APEH: variants seen among roughly 807,000 people sequenced by gnomAD.
The protein encoded by APEH is acylaminoacyl-peptide hydrolase.
In APEH, 75 loss-of-function variants were observed where a neutral mutation model predicts 102.7. The observed-to-expected ratio is 0.73, with a 90% CI of 0.61 to 0.89. The LOEUF (loss-of-function observed/expected upper bound fraction) is 0.89, where lower values mean the gene tolerates loss of function less well. APEH is among the 40% of genes least tolerant of loss of function. APEH has a pLI of 0.00. For missense variants in APEH, 863 were observed against 941.2 expected, an observed-to-expected ratio of 0.92 and a Z score of 1.09; for synonymous variants, 344 against 362.7, an observed-to-expected ratio of 0.95 and a Z score of 0.59.
chr3:49,680,461 G>A (rs2053267191), intron 13 of APEH, 80 bp from the exon 14 acceptor site: 1 of 1,324,418 alleles, frequency 7.6e-7, no homozygotes, highest in African/African-American at 1.4e-5. Flanking sequence ...AGAGTCTCCA[G>A]CCTGGGACTC....
rs1575469872 is a variant in APEH, at chr3:49,677,439, A to G, written c.1000-134A>G. 4 of 831,116 alleles carry G rather than the reference A, an allele frequency of 4.8e-6. No individual in the cohort carries two copies. The East Asian group carries it at 9.9e-5, about 21-fold the overall frequency. 51.5% of individuals were successfully genotyped at this position (831,116 alleles called of 1,614,324 possible). ...GGCATCTGGTCCAGGTCACCAGAAA[A>G]GAGATACATCAGGCTTATTCCAGTT... On this transcript the variant is annotated intron_variant, in intron 10 of 21. Transcript: ENST00000296456.
At position 49,676,688 on chromosome 3, in the gene APEH, G is replaced by A. The variant is rs1575468197; in HGVS notation, c.824G>A (p.Cys275Tyr). 2 of 1,614,260 alleles carry A rather than the reference G, an allele frequency of 1.2e-6. No individual in the cohort carries two copies. Among genetic ancestry groups the A allele is most frequent in the East Asian group, 2.2e-5 (1 of 44,890 alleles). The change falls in exon 8 of 22, where the codon TGC becomes TAC. Residue 275 changes from cysteine to tyrosine, a missense_variant. Coordinates refer to ENST00000296456, the MANE Select transcript of APEH (RefSeq NM_001640.4). ...CCCTTCCGGTTGGGCATCCGCTTTTGCACCAATCGCAGGTGAGGGAGTGGG... is the reference window on the plus strand; with the variant it reads ...CCCTTCCGGTTGGGCATCCGCTTTTACACCAATCGCAGGTGAGGGAGTGGG... ...HEPFRLGIRF[C>Y]TNRRSALYYV...
chr3:49,679,639 C>T lies in APEH; in HGVS notation c.1205C>T (p.Thr402Ile). ...DTQVGTVTSLTAGGSGGSWKL... is the reference protein window; with the variant it reads ...DTQVGTVTSLIAGGSGGSWKL... Reference sequence around the variant, plus strand: ...CAAGTGGGCACTGTGACCTCCCTCACAGCTGGTGAGCAAGGCTTTGGGGAT... The same window carrying T: ...CAAGTGGGCACTGTGACCTCCCTCATAGCTGGTGAGCAAGGCTTTGGGGAT... The change falls in exon 13 of 22, where the codon ACA becomes ATA. Residue 402 changes from threonine to isoleucine, a missense_variant. By Grantham distance (89) the Thr-to-Ile change is moderately conservative. Coordinates refer to ENST00000296456, the MANE Select transcript of APEH (RefSeq NM_001640.4). This position sits in a 1 kb window ranked among gnomAD's most constrained non-coding sequence, Gnocchi z 4.3. 1 of 1,613,816 alleles carries T rather than the reference C, an allele frequency of 6.2e-7. No individual in the cohort carries two copies. Among genetic ancestry groups the T allele is most frequent in the Non-Finnish European group, 8.5e-7 (1 of 1,179,752 alleles).
chr3:49,676,526 A>G lies in APEH; in HGVS notation c.744+11A>G, dbSNP rs774699203. On this transcript the variant is annotated intron_variant, in intron 7 of 21. Transcript: ENST00000296456. Reference sequence around the variant, plus strand: ...GTGTCCCCTGGACAGGTCAGCAGCAACAGCCTGTGTCCCCCCTGGAGTCTG... The same window carrying G: ...GTGTCCCCTGGACAGGTCAGCAGCAGCAGCCTGTGTCCCCCCTGGAGTCTG... 1 of 1,614,200 alleles carries G rather than the reference A, an allele frequency of 6.2e-7. No homozygotes were observed. The highest frequency in any genetic ancestry group is 2.2e-5 in the East Asian group (1 of 44,892).
chr3:49,682,221 C>T (rs890914520), intron 17 of APEH, 127 bp from the exon 18 acceptor site: 8 of 1,043,938 alleles, frequency 7.7e-6, no homozygotes, highest in Admixed American at 2.3e-5. Flanking sequence ...TGAGTCCCTT[C>T]CCCTTGACCC....
Position 49,681,221 on chromosome 3 carries a change from C to T in APEH, c.1420C>T (p.Gln474Ter). The change falls in exon 15 of 22, where the codon CAA (glutamine) becomes TAA (stop). Residue 474 changes from glutamine (Q) to a stop codon, truncating the protein, a stop_gained. Coordinates refer to ENST00000296456, the MANE Select transcript of APEH (RefSeq NM_001640.4). LOFTEE classifies it high-confidence loss of function. ...GIRVLQPPPE[Q>*]ENVQYAGLDF... ...CCGGGTGCTACAGCCACCCCCAGAG[C>T]AAGAGAATGTGCAGTATGGTGAGCT... 6.2e-7 allele frequency: 1 copy of T among 1,601,776 alleles called. No individual in the cohort carries two copies.
intron 11 of APEH, among the ~76,000 whole-genome samples, chr3:49,678,403 C>T (rs1331977476): frequency 6.6e-6 from 1 of 152,134 alleles, no homozygotes; most frequent in Non-Finnish European, 1.5e-5. Context: ...CTGCCTGCCT[C>T]ATAGGATCAT....
At chr3:49,674,248 A>C (rs985732269), upstream of APEH, 1 of 995,264 alleles carries the variant, frequency 1.0e-6, no homozygotes, top group Non-Finnish European at 1.4e-6. Context: ...GCCCCCTGCC[A>C]ACGGTCCTCA....
Position 49,682,863 on chromosome 3 carries a change from T to A in APEH, c.1904T>A (p.Phe635Tyr). 1.9e-6 allele frequency: 3 copies of A among 1,614,056 alleles called. No individual in the cohort carries two copies. Among genetic ancestry groups the A allele is most frequent in the Non-Finnish European group, 2.5e-6 (3 of 1,180,024 alleles). Residue 635 changes from phenylalanine (F) to tyrosine (Y), a missense_variant, in exon 20 of 22, where the codon TTT becomes TAT. Physicochemically the swap from Phe to Tyr is conservative, Grantham distance 22. Coordinates refer to ENST00000296456, the MANE Select transcript of APEH (RefSeq NM_001640.4). ...TGCAGGTGCGTGGTGGAGGCTGGCT[T>A]TCCTTTCAGCAGTGACTGCCTGCCA... Reference protein sequence around the residue: ...IPDWCVVEAGFPFSSDCLPDL... With the variant: ...IPDWCVVEAGYPFSSDCLPDL...
Position 49,683,931 on chromosome 3 carries a change from G to C in APEH, c.*589G>C, listed in dbSNP as rs2053471521. 6.6e-7 allele frequency: 1 copy of C among 1,522,678 alleles called. No homozygotes were observed. The highest frequency in any genetic ancestry group is 8.8e-7 in the Non-Finnish European group (1 of 1,134,746). 94.3% of individuals were successfully genotyped at this position (1,522,678 alleles called of 1,614,324 possible). ...CACTGACACATTTCCTGGAAGCAAA[G>C]GCTAAGAAGCATCTGTACAGGCATA... is the stretch of plus-strand genomic sequence containing the variant. On this transcript the variant is annotated 3_prime_UTR_variant, in exon 22 of 22. Transcript: ENST00000296456.
intron 14 of APEH, 60 bp from the exon 15 acceptor site, chr3:49,681,041 C>G: frequency 6.6e-7 from 1 of 1,511,842 alleles, no homozygotes; most frequent in Non-Finnish European, 8.9e-7. Context: ...CCACTGTGGG[C>G]AGAAGGGAAG....
Position 49,683,394 on chromosome 3 carries a change from A to C in APEH, c.*52A>C. The C allele has an allele frequency of 1.3e-6, 2 of 1,513,030 alleles. No individual in the cohort carries two copies. Among genetic ancestry groups the C allele is most frequent in the East Asian group, 4.5e-5 (2 of 44,382 alleles). The allele number at this position is 1,513,030 out of a possible 1,614,324, so 93.7% of individuals were successfully genotyped here. On this transcript the variant is annotated 3_prime_UTR_variant, in exon 22 of 22. Transcript: ENST00000296456. ...CAGCCTGTGCCACACTTCGCTCTTG[A>C]GGAGCTCAACGGTCTGGCAGGGCAG...
rs1463774820 is a variant in APEH at position 49,682,957 on chromosome 3, C to G, written c.1986+12C>G. ...GATACATCCCTCAGGTATGCAGCCCCCTCCTTGCCCTGTGTGCTGCCCATC... is the reference window on the plus strand; with the variant it reads ...GATACATCCCTCAGGTATGCAGCCCGCTCCTTGCCCTGTGTGCTGCCCATC... On this transcript the variant is annotated intron_variant, in intron 20 of 21. Transcript: ENST00000296456. 6.2e-7 allele frequency: 1 copy of G among 1,612,728 alleles called. No homozygotes were observed. Among genetic ancestry groups the G allele is most frequent in the Non-Finnish European group, 8.5e-7 (1 of 1,179,222 alleles).
chr3:49,677,049 G>A (rs1389808486), intron 10 of APEH, 25 bp downstream of exon 10: 1 of 1,613,762 alleles, frequency 6.2e-7, no homozygotes. Flanking sequence ...GCAGGGATGG[G>A]AGGGTGGTCA....
intron 17 of APEH, 80 bp from the exon 18 acceptor site, chr3:49,682,268 C>T (rs942830676): frequency 7.2e-7 from 1 of 1,382,846 alleles, no homozygotes; most frequent in Admixed American, 2.0e-5. Flanking sequence ...CCAGGGCCTA[C>T]TTCACAGATG....
upstream of APEH, chr3:49,674,307 C>A: frequency 1.4e-6 from 2 of 1,454,994 alleles, no homozygotes; most frequent in Non-Finnish European, 1.8e-6. Flanking sequence ...AGGGCAGGGG[C>A]GGAGACAGCC....
chr3:49,680,882 C>T (rs1215443647), intron 14 of APEH, among the ~76,000 whole-genome samples: 1 of 152,224 alleles, frequency 6.6e-6, no homozygotes, highest in Non-Finnish European at 1.5e-5. Context: ...AAGGAGACAG[C>T]AGAGCCTAGA....
At position 49,679,031 on chromosome 3, in the gene APEH, G is replaced by T; in HGVS notation, c.1158+82G>T. On this transcript the variant is annotated intron_variant, in intron 12 of 21. Coordinates refer to ENST00000296456, the MANE Select transcript of APEH (RefSeq NM_001640.4). This position sits in a 1 kb window ranked among gnomAD's most constrained non-coding sequence, Gnocchi z 4.3. The stretch of plus-strand genomic sequence containing the variant: ...TGGGGGTTGCATGTGCATGCCCCTG[G>T]GTGGAATGCCCAGCCACAAAGTCTC... 8.8e-7 allele frequency: 1 copy of T among 1,139,996 alleles called. No homozygotes were observed. 70.6% of individuals were successfully genotyped at this position (1,139,996 alleles called of 1,614,324 possible).
rs1456565454 is a variant in APEH at position 49,675,284 on chromosome 3, G to A, written c.247G>A (p.Gly83Ser). The A allele has an allele frequency of 1.2e-6, 2 of 1,614,022 alleles. No individual in the cohort carries two copies. The highest frequency in any genetic ancestry group is 2.2e-5 in the East Asian group (1 of 44,894). Residue 83 changes from glycine to serine, a missense_variant, in exon 3 of 22, where the codon GGC (glycine) becomes AGC (serine). Coordinates refer to ENST00000296456, the MANE Select transcript of APEH (RefSeq NM_001640.4). ...GDSVVFAGPA[G>S]NSVETRGELL... ...CTCAGTGGTGTTTGCAGGACCTGCA[G>A]GCAACAGTGTGGAGACCCGGGGGGA...
Sources: gnomAD v4.1 joint callset for allele counts (sites outside exome capture counted in the v4.1 genomes callset) on GRCh38, gnomAD v4.1.1 for gene constraint, Gnocchi (gnomAD v3.1) non-coding constraint, MANE v1.5 for transcripts, NCBI Gene and HGNC (gene_info 2026-07-23, HGNC 2026-07-21) for gene names.